NRG1: variants seen among roughly 807,000 people sequenced by gnomAD.
The protein encoded by NRG1 is neuregulin 1, also known as pro-neuregulin-1, membrane-bound isoform.
A neutral mutation model predicts 63.8 loss-of-function variants in NRG1; 18 were observed. That is an observed-to-expected ratio of 0.28 (90% CI 0.19 to 0.42). The LOEUF is 0.42. Ranked by LOEUF, NRG1 falls within the 10% of genes least tolerant of loss-of-function variation. NRG1 has a pLI of 1.00. For missense variants in NRG1, 762 were observed against 814.7 expected (o/e 0.94, Z 0.79); for synonymous variants, 302 against 301.3 (o/e 1.00, Z -0.02).
chr8:32,678,402 A>G (rs12546380), intron 5 of NRG1, among the ~76,000 whole-genome samples: 35,781 of 151,990 alleles, frequency 0.24, 4,783 homozygotes, highest in East Asian at 0.35. Flanking sequence ...TCAGTATCAG[A>G]TATTTTGGCT....
chr8:32,199,152 C>G (rs1843247347), intron 1 of NRG1, among the ~76,000 whole-genome samples: 1 of 152,066 alleles, frequency 6.6e-6, no homozygotes, highest in Non-Finnish European at 1.5e-5. Context: ...ATTCTAATGT[C>G]TGTCATATGC....
intron 1 of NRG1, among the ~76,000 whole-genome samples, chr8:32,476,831 C>T (rs999763890): frequency 2.6e-5 from 4 of 152,136 alleles, no homozygotes; most frequent in South Asian, 4.1e-4. Flanking sequence ...CTGGCCCTGC[C>T]GTCTCTTGAC....
chr8:31,868,389 T>C (rs1829179760), intron 1 of NRG1, among the ~76,000 whole-genome samples: 1 of 152,126 alleles, frequency 6.6e-6, no homozygotes, highest in Non-Finnish European at 1.5e-5. Context: ...AATAAATATT[T>C]CTACTGAAAC....
intron 1 of NRG1, among the ~76,000 whole-genome samples, chr8:32,525,557 G>A (rs573079773): frequency 7.9e-5 from 12 of 152,034 alleles, no homozygotes; most frequent in African/African-American, 2.7e-4. Context: ...ACATTTACAC[G>A]TCTCTCAGCC....
rs1234804479 is a variant in NRG1 at position 31,995,867 on chromosome 8, AC to A, written c.37+356437del. 2.0e-5 allele frequency among the ~76,000 whole-genome samples: 3 copies of A among 151,994 alleles called. No homozygotes were observed. The East Asian group carries it at 5.9e-4, about 30-fold the overall frequency. The stretch of plus-strand genomic sequence containing the variant: ...ATTTTACTTACCTTTCTCTTGTCCC[AC>A]ATGCTTTTATTCTTGGCATGCTTAC... On this transcript the variant is annotated intron_variant, in intron 1 of 10. Transcript: ENST00000519301.
chr8:31,702,340 A>G (rs377420629), intron 1 of NRG1, among the ~76,000 whole-genome samples: 43 of 152,264 alleles, frequency 2.8e-4, no homozygotes, highest in Middle Eastern at 3.4e-3. Context: ...AATTCCATGC[A>G]CTTCATGGAT....
At chr8:32,099,301 T>G (rs1830268601) in intron 1 of NRG1, 1 of 152,244 alleles carries the variant, frequency 6.6e-6, no homozygotes, top group Non-Finnish European at 1.5e-5. Context: ...AAGGGCTATG[T>G]GTCCTGGACC....
At chr8:32,309,777 G>C (rs2129475853) in intron 1 of NRG1, among the ~76,000 whole-genome samples, 1 of 152,274 alleles carries the variant, frequency 6.6e-6, no homozygotes, top group Non-Finnish European at 1.5e-5. Context: ...TTGTGTCCTT[G>C]TTCCCATGGT....
At chr8:31,690,991 G>A (rs1278072718) in intron 1 of NRG1, among the ~76,000 whole-genome samples, 1 of 152,170 alleles carries the variant, frequency 6.6e-6, no homozygotes, top group East Asian at 1.9e-4. Context: ...AGTGAACGAA[G>A]AGACTGCCTG....
chr8:32,358,447 C>T (rs922610559), intron 1 of NRG1, among the ~76,000 whole-genome samples: 2 of 150,702 alleles, frequency 1.3e-5, no homozygotes, highest in African/African-American at 2.4e-5. Context: ...GATGCTGTCC[C>T]TGAAGAAGTG....
intron 1 of NRG1, among the ~76,000 whole-genome samples, chr8:32,289,389 C>T (rs545445366): frequency 6.6e-6 from 1 of 151,846 alleles, no homozygotes; most frequent in South Asian, 2.1e-4. Flanking sequence ...AAAATAGGAG[C>T]TCACAAGGTT....
chr8:32,042,727 T>A (rs577260474), intron 1 of NRG1, among the ~76,000 whole-genome samples: 1 of 151,862 alleles, frequency 6.6e-6, no homozygotes, highest in East Asian at 1.9e-4. Context: ...TATGGTAACT[T>A]TAGAACTAAA....
chr8:32,527,987 G>C (rs1473465853), intron 1 of NRG1, among the ~76,000 whole-genome samples: 2 of 152,080 alleles, frequency 1.3e-5, no homozygotes, highest in Non-Finnish European at 2.9e-5. Context: ...CCCTTGACTG[G>C]TACATGTGCC....
At chr8:32,340,780 A>G (rs17705671) in intron 1 of NRG1, among the ~76,000 whole-genome samples, 32,411 of 152,106 alleles carry the variant, frequency 0.21, 3,965 homozygotes, top group Non-Finnish European at 0.29. Flanking sequence ...GATATCCTGT[A>G]CTTTTTCTGC....
chr8:32,119,628 C>T (rs973323727), intron 1 of NRG1, among the ~76,000 whole-genome samples: 3 of 152,060 alleles, frequency 2.0e-5, no homozygotes, highest in Admixed American at 1.3e-4. Context: ...ATACCACCTC[C>T]AGGCTTGGCC....
chr8:31,928,624 T>C, intron 1 of NRG1, among the ~76,000 whole-genome samples: 1 of 134,356 alleles, frequency 7.4e-6, no homozygotes. Context: ...TGTGTGTGTA[T>C]ACCATGAAAT....
rs1164542350 is a variant in NRG1 at position 32,233,553 on chromosome 8, ATATATATATATT to A, written c.38-362273_38-362262del. The stretch of plus-strand genomic sequence containing the variant: ...CTCGAAAGAATATATATATATATAT[ATATATATATATT>A]TTTTTTTTTTTTTCTTTTGAAACGG... On this transcript the variant is annotated intron_variant, in intron 1 of 10. Coordinates refer to the NRG1 transcript ENST00000519301. Among the ~76,000 whole-genome samples the A allele has an allele frequency of 1.4e-3, 110 of 76,132 alleles. 1 individual carries two copies. Among genetic ancestry groups the A allele is most frequent in the African/African-American group, 4.9e-3 (101 of 20,628 alleles). The allele number at this position is 76,132 out of a possible 152,430, so 49.9% of individuals were successfully genotyped here. A position where few individuals can be genotyped will look rare whatever the true frequency, so the allele number is the denominator to read the frequency against.
At chr8:32,677,250 T>C (rs538402761) in intron 5 of NRG1, among the ~76,000 whole-genome samples, 3 of 152,332 alleles carry the variant, frequency 2.0e-5, no homozygotes, top group Non-Finnish European at 4.4e-5. Context: ...CTTCTTTTCT[T>C]CTATAATTAA....
chr8:32,521,761 G>T (rs541941450), intron 1 of NRG1, among the ~76,000 whole-genome samples: 3 of 152,236 alleles, frequency 2.0e-5, no homozygotes, highest in Admixed American at 6.5e-5. Context: ...GCAGATTCAA[G>T]GATAGCTTTT....
Sources: gnomAD v4.1 joint callset for allele counts (sites outside exome capture counted in the v4.1 genomes callset) on GRCh38, gnomAD v4.1.1 for gene constraint, MANE v1.5 for transcripts, NCBI Gene and HGNC (gene_info 2026-07-23, HGNC 2026-07-21) for gene names.